GUCY1A1: variants seen among roughly 807,000 people sequenced by gnomAD.
The protein encoded by GUCY1A1 is guanylate cyclase soluble subunit alpha-1.
Under a neutral mutation model 64.5 loss-of-function variants are expected in GUCY1A1, and 48 were observed. The ratio of observed to expected loss-of-function variants is 0.74; its 90% CI spans 0.59 to 0.95. GUCY1A1 has a LOEUF of 0.95. Among genes scored for constraint, GUCY1A1 ranks in the 40% least tolerant of loss-of-function variants. The pLI, the probability that GUCY1A1 is intolerant of heterozygous loss-of-function variation, is 0.00. For missense variants in GUCY1A1, 804 were observed against 825.3 expected, an observed-to-expected ratio of 0.97 and a Z score of 0.32; for synonymous variants, 308 against 303.4, an observed-to-expected ratio of 1.02 and a Z score of -0.16.
intron 2 of GUCY1A1, among the ~76,000 whole-genome samples, chr4:155,691,264 A>C (rs1335842870): frequency 6.6e-6 from 1 of 152,154 alleles, no homozygotes; most frequent in Non-Finnish European, 1.5e-5. Context: ...AAGGAGTCTG[A>C]GATTTGTTTG....
At chr4:155,681,084 T>C (rs1735693481) in intron 2 of GUCY1A1, among the ~76,000 whole-genome samples, 1 of 152,154 alleles carries the variant, frequency 6.6e-6, no homozygotes, top group Non-Finnish European at 1.5e-5. Flanking sequence ...AGAGCAGGCA[T>C]CTTTGCTTGG....
chr4:155,679,876 T>A (rs1045631917), intron 2 of GUCY1A1, among the ~76,000 whole-genome samples: 2 of 152,226 alleles, frequency 1.3e-5, no homozygotes, highest in African/African-American at 4.8e-5. Context: ...CCTTGACACC[T>A]TTGTTGTAAA....
intron 2 of GUCY1A1, among the ~76,000 whole-genome samples, chr4:155,669,910 C>G (rs930576957): frequency 6.6e-6 from 1 of 152,112 alleles, no homozygotes; most frequent in Non-Finnish European, 1.5e-5. Flanking sequence ...TAAAATAACA[C>G]GATCTGCACC....
intron 2 of GUCY1A1, among the ~76,000 whole-genome samples, chr4:155,676,583 G>A (rs1407111522): frequency 6.6e-6 from 1 of 151,398 alleles, no homozygotes; most frequent in Non-Finnish European, 1.5e-5. Context: ...ATACTAATTG[G>A]CCAGTGATTG....
At chr4:155,718,420 G>A (rs912265541) in intron 8 of GUCY1A1, among the ~76,000 whole-genome samples, 1 of 151,968 alleles carries the variant, frequency 6.6e-6, no homozygotes, top group African/African-American at 2.4e-5. Context: ...AAATTTAATG[G>A]TATAAAATCA....
At chr4:155,694,758 G>A (rs1325738534) in intron 2 of GUCY1A1, among the ~76,000 whole-genome samples, 1 of 152,124 alleles carries the variant, frequency 6.6e-6, no homozygotes, top group Non-Finnish European at 1.5e-5. Flanking sequence ...AAAGGTTAAA[G>A]CACTTTTAAA....
intron 4 of GUCY1A1, among the ~76,000 whole-genome samples, chr4:155,705,202 A>G (rs1462186456): frequency 6.6e-6 from 1 of 152,198 alleles, no homozygotes; most frequent in Non-Finnish European, 1.5e-5. Flanking sequence ...CTAAAGTTAC[A>G]TTTTTTAAAT....
In GUCY1A1 at chr4:155,694,408, T is replaced by TCCCCAA. The variant is rs535595074; in HGVS notation, c.-112-2339_-112-2334dup. On this transcript the variant is annotated intron_variant, in intron 2 of 9. Coordinates refer to ENST00000506455, the MANE Select transcript of GUCY1A1 (RefSeq NM_001130682.3). The stretch of plus-strand genomic sequence containing the variant: ...TAATAATGAAAAAAACTCTCCAAGC[T>TCCCCAA]CCCCAACCCCAACCAAAACTGGACC... Among the ~76,000 whole-genome samples the TCCCCAA allele has an allele frequency of 1.4e-3, 214 of 152,130 alleles. No individual in the cohort carries two copies. In the Middle Eastern group the frequency reaches 0.041, roughly 29 times the overall value.
intron 8 of GUCY1A1, among the ~76,000 whole-genome samples, chr4:155,718,676 C>T (rs753386110): frequency 2.0e-5 from 3 of 152,048 alleles, no homozygotes; most frequent in African/African-American, 7.2e-5. Context: ...GGATTGTTAG[C>T]GTTACATGTG....
At chr4:155,697,996 A>C (rs1478800445) in intron 3 of GUCY1A1, among the ~76,000 whole-genome samples, 1 of 152,220 alleles carries the variant, frequency 6.6e-6, no homozygotes, top group Non-Finnish European at 1.5e-5. Context: ...ATACATTGAT[A>C]ATTTTTAATT....
intron 2 of GUCY1A1, among the ~76,000 whole-genome samples, chr4:155,689,520 CTTAAA>C (rs1298604265): frequency 1.3e-5 from 2 of 152,000 alleles, no homozygotes; most frequent in South Asian, 2.1e-4. Flanking sequence ...AGGTTTTTCT[CTTAAA>C]TTAGTTATAA....
intron 3 of GUCY1A1, 29 bp from the exon 4 acceptor site, chr4:155,703,903 T>C (rs761920162): frequency 9.3e-6 from 13 of 1,397,178 alleles, no homozygotes; most frequent in African/African-American, 8.6e-5. Flanking sequence ...TATAAGGGAA[T>C]GTTTAAAACA....
intron 9 of GUCY1A1, 42 bp from the exon 10 acceptor site, chr4:155,729,988 T>G (rs758888632): frequency 8.2e-7 from 1 of 1,214,254 alleles, no homozygotes; most frequent in Non-Finnish European, 1.2e-6. Flanking sequence ...TTTTTTTGAG[T>G]GGACAAACAT....
intron 3 of GUCY1A1, among the ~76,000 whole-genome samples, chr4:155,702,011 C>T (rs1731147849): frequency 7.0e-6 from 1 of 142,520 alleles, no homozygotes; most frequent in Non-Finnish European, 1.5e-5. Flanking sequence ...AGGTGGACAT[C>T]ATTCATTCAT....
In GUCY1A1 at chr4:155,732,254, C is replaced by G. The variant is rs1735638304; in HGVS notation, c.*2023C>G. On this transcript the variant is annotated 3_prime_UTR_variant, in exon 10 of 10. Coordinates refer to ENST00000506455, the MANE Select transcript of GUCY1A1 (RefSeq NM_001130682.3). ...AACAAATGAGGGGAATGTATATAAT[C>G]TTGGTGAAAAGTTGTATGGGAGTTT... 1 of 151,808 alleles carries G rather than the reference C, an allele frequency of 6.6e-6. No homozygotes were observed. The highest frequency in any genetic ancestry group is 2.4e-5 in the African/African-American group (1 of 41,380). 9.4% of individuals were successfully genotyped at this position (151,808 alleles called of 1,614,324 possible).
rs1736027898 is a variant in GUCY1A1, at chr4:155,736,126, A to G, written c.*5895A>G. 6.6e-6 allele frequency: 1 copy of G among 151,936 alleles called. No homozygotes were observed. Among genetic ancestry groups the G allele is most frequent in the Non-Finnish European group, 1.5e-5 (1 of 67,928 alleles). 9.4% of individuals were successfully genotyped at this position (151,936 alleles called of 1,614,324 possible). A position where few individuals can be genotyped will look rare whatever the true frequency, so the allele number is the denominator to read the frequency against. On this transcript the variant is annotated 3_prime_UTR_variant, in exon 10 of 10. Coordinates refer to ENST00000506455, the MANE Select transcript of GUCY1A1 (RefSeq NM_001130682.3). Reference sequence around the variant, plus strand: ...TTCTCCAACCTTTTAGATTCCTGCAATCTGTTAATAAAATATTGTAGGACA... The same window carrying G: ...TTCTCCAACCTTTTAGATTCCTGCAGTCTGTTAATAAAATATTGTAGGACA...
chr4:155,688,101 G>A (rs28495094), intron 2 of GUCY1A1, among the ~76,000 whole-genome samples: 15,654 of 151,804 alleles, frequency 0.1, 2,662 homozygotes, highest in African/African-American at 0.35. Context: ...GGTGGCGGGC[G>A]CCTGTAGTCC....
At chr4:155,688,684 A>G (rs777768848) in intron 2 of GUCY1A1, among the ~76,000 whole-genome samples, 1 of 151,970 alleles carries the variant, frequency 6.6e-6, no homozygotes, top group Non-Finnish European at 1.5e-5. Context: ...TTCTTGGAAA[A>G]CCTCATATGC....
At chr4:155,693,524 G>T (rs1351120254) in intron 2 of GUCY1A1, among the ~76,000 whole-genome samples, 2 of 151,944 alleles carry the variant, frequency 1.3e-5, no homozygotes, top group Non-Finnish European at 2.9e-5. Flanking sequence ...TCTGTATTCT[G>T]TATTCCTGGC....
Sources: gnomAD v4.1 joint callset for allele counts (sites outside exome capture counted in the v4.1 genomes callset) on GRCh38, gnomAD v4.1.1 for gene constraint, MANE v1.5 for transcripts, NCBI Gene and HGNC (gene_info 2026-07-23, HGNC 2026-07-21) for gene names.